The following MALRD1 variants were observed in gnomAD, a reference collection of about 807,000 sequenced individuals.
MALRD1 encodes the protein MAM and LDL-receptor class A domain-containing protein 1.
MALRD1 carries 247 observed loss-of-function variants against 242.1 expected under a neutral mutation model. That is an observed-to-expected ratio of 1.02 (90% CI 0.92 to 1.13). MALRD1 has a LOEUF of 1.13. MALRD1 is among the 50% of genes most tolerant of loss of function. The pLI, the probability that MALRD1 is intolerant of heterozygous loss-of-function variation, is 0.00. For missense variants in MALRD1, 2,989 were observed against 2,533.1 expected, an observed-to-expected ratio of 1.18 and a Z score of -3.86; for synonymous variants, 995 against 866.6, an observed-to-expected ratio of 1.15 and a Z score of -2.60.
At chr10:19,695,743 C>T (rs1471532050) in intron 38 of MALRD1, among the ~76,000 whole-genome samples, 1 of 152,024 alleles carries the variant, frequency 6.6e-6, no homozygotes, top group Non-Finnish European at 1.5e-5. Flanking sequence ...CCAGGTTGGT[C>T]TCAAACTCCT....
chr10:19,417,291 A>G (rs1023107991), intron 28 of MALRD1, among the ~76,000 whole-genome samples: 1 of 152,192 alleles, frequency 6.6e-6, no homozygotes, highest in African/African-American at 2.4e-5. Context: ...AATTGGATTT[A>G]CAATAAATTT....
At chr10:19,535,891 T>G (rs1319317847) in intron 32 of MALRD1, among the ~76,000 whole-genome samples, 1 of 152,148 alleles carries the variant, frequency 6.6e-6, no homozygotes, top group African/African-American at 2.4e-5. Context: ...AAGTATTTCT[T>G]AAGTTGATTA....
At chr10:19,389,411 T>A in intron 27 of MALRD1, 41 bp from the exon 28 acceptor site, 1 of 1,535,996 alleles carries the variant, frequency 6.5e-7, no homozygotes, top group South Asian at 1.2e-5. Flanking sequence ...AATCCCATCA[T>A]TGTTATTTCG....
At position 19,547,817 on chromosome 10, in the gene MALRD1, T is replaced by C. The variant is rs1417589870; in HGVS notation, c.5478+16466T>C. 6.9e-3 allele frequency among the ~76,000 whole-genome samples: 114 copies of C among 16,594 alleles called. 1 individual carries two copies. The highest frequency in any genetic ancestry group is 0.021 in the African/African-American group (110 of 5,188). The allele number at this position is 16,594 out of a possible 152,430, so 10.9% of individuals were successfully genotyped here. On this transcript the variant is annotated intron_variant, in intron 32 of 39. Coordinates refer to ENST00000454679, the MANE Select transcript of MALRD1 (RefSeq NM_001142308.3). ...ATATATATATATATATATATATATA[T>C]ATTTTTTTTTTTTTTTTTTTTTTTT...
intron 18 of MALRD1, among the ~76,000 whole-genome samples, chr10:19,241,371 G>A (rs1045045396): frequency 2.6e-5 from 4 of 151,840 alleles, no homozygotes; most frequent in East Asian, 1.9e-4. Context: ...ATATAGTTAC[G>A]AGTAATGTCT....
At chr10:19,138,422 A>AT (rs371584010) in intron 10 of MALRD1, among the ~76,000 whole-genome samples, 39,334 of 136,172 alleles carry the variant, frequency 0.29, 5,015 homozygotes, top group Middle Eastern at 0.36. Flanking sequence ...CACGTATTTA[A>AT]TTTTTTTTTT....
chr10:19,597,799 A>G (rs1024944568), intron 34 of MALRD1, among the ~76,000 whole-genome samples: 2 of 152,304 alleles, frequency 1.3e-5, no homozygotes, highest in Non-Finnish European at 2.9e-5. Flanking sequence ...GGAACTCTCT[A>G]TGGTGCTAGG....
At chr10:19,408,069 A>G (rs1488601902) in intron 28 of MALRD1, among the ~76,000 whole-genome samples, 1 of 152,118 alleles carries the variant, frequency 6.6e-6, no homozygotes, top group Non-Finnish European at 1.5e-5. Context: ...TCAGCCAGAG[A>G]GATGATAGTC....
chr10:19,204,283 T>G (rs2131615737), intron 15 of MALRD1, 25 bp from the exon 16 acceptor site: 7 of 847,908 alleles, frequency 8.3e-6, no homozygotes, highest in East Asian at 9.7e-5. Flanking sequence ...AATGAAGCGT[T>G]TTTTTTTTTT....
chr10:19,724,143 G>T (rs1834904356), intron 38 of MALRD1, among the ~76,000 whole-genome samples: 1 of 152,016 alleles, frequency 6.6e-6, no homozygotes, highest in Admixed American at 6.6e-5. Context: ...ATGAACTATT[G>T]TAACAGTGTT....
intron 2 of MALRD1, 48 bp downstream of exon 2, chr10:19,066,907 C>T (rs2131243727): frequency 1.7e-6 from 2 of 1,209,682 alleles, no homozygotes; most frequent in African/African-American, 1.6e-5. Flanking sequence ...TCCTCCTTTC[C>T]TTCCTTCCCT....
At position 19,136,720 on chromosome 10, in the gene MALRD1, ATC is replaced by A. The variant is rs1190865754; in HGVS notation, c.1352_1353del (p.Ser451CysfsTer3). 2 of 1,231,580 alleles carry A rather than the reference ATC, an allele frequency of 1.6e-6. No homozygotes were observed. The highest frequency in any genetic ancestry group is 6.3e-5 in the East Asian group (2 of 31,696). The allele number at this position is 1,231,580 out of a possible 1,614,324, so 76.3% of individuals were successfully genotyped here. ...CTAGTGGCCAGTGCATCGCCAAAGAATCTGTCTGTGACTCTCGGCAGGACTGC... is the reference window on the plus strand; with the variant it reads ...CTAGTGGCCAGTGCATCGCCAAAGAATGTCTGTGACTCTCGGCAGGACTGC... Reference protein sequence around the residue: ...CTSGQCIAKESVCDSRQDCSD... With the variant: ...CTSGQCIAKEXVCDSRQDCSD... On this transcript the variant is annotated frameshift_variant, in exon 10 of 40. Transcript: ENST00000454679. LOFTEE classifies it high-confidence loss of function.
chr10:19,269,538 C>T (rs1269568346), intron 19 of MALRD1, among the ~76,000 whole-genome samples: 1 of 152,198 alleles, frequency 6.6e-6, no homozygotes, highest in African/African-American at 2.4e-5. Flanking sequence ...TCCTGCAGTC[C>T]TTGTCATGCC....
intron 24 of MALRD1, among the ~76,000 whole-genome samples, chr10:19,335,192 G>GTTTTTTTTTT (rs397828429): frequency 4.4e-5 from 6 of 137,368 alleles, no homozygotes; most frequent in Non-Finnish European, 6.2e-5. Flanking sequence ...GTTTTTTTTT[G>GTTTTTTTTTT]TTTTTTTTTT....
intron 31 of MALRD1, among the ~76,000 whole-genome samples, chr10:19,509,407 G>A (rs987874100): frequency 1.3e-5 from 2 of 152,080 alleles, no homozygotes; most frequent in African/African-American, 4.8e-5. Context: ...ATTTGGTTTT[G>A]GTTTATTTCT....
At chr10:19,390,044 G>A (rs1425862050) in intron 28 of MALRD1, among the ~76,000 whole-genome samples, 6 of 152,066 alleles carry the variant, frequency 3.9e-5, no homozygotes, top group Admixed American at 2.6e-4. Context: ...CATCTCCTGT[G>A]GCTGAAATGA....
intron 26 of MALRD1, among the ~76,000 whole-genome samples, chr10:19,383,673 C>T (rs1845932782): frequency 1.3e-5 from 2 of 151,954 alleles, no homozygotes; most frequent in Non-Finnish European, 2.9e-5. Context: ...GAAAGGTAGA[C>T]AAGTGTTATT....
chr10:19,384,640 A>G (rs1022981764), intron 26 of MALRD1, among the ~76,000 whole-genome samples: 2 of 133,230 alleles, frequency 1.5e-5, no homozygotes, highest in African/African-American at 5.6e-5. Context: ...AATATAATAT[A>G]TAGTATATAT....
chr10:19,719,431 A>T (rs1334556211), intron 38 of MALRD1, among the ~76,000 whole-genome samples: 1 of 151,266 alleles, frequency 6.6e-6, no homozygotes, highest in Non-Finnish European at 1.5e-5. Flanking sequence ...TTTTATTCCT[A>T]CTAATTGCCT....
Sources: allele counts gnomAD v4.1 joint callset (sites outside exome capture counted in the v4.1 genomes callset), GRCh38; gene constraint gnomAD v4.1.1; transcripts MANE v1.5; gene names NCBI Gene and HGNC (gene_info 2026-07-23, HGNC 2026-07-21).